Variants in NAV2 observed in about 807,000 individuals in gnomAD.
NAV2 encodes neuron navigator 2.
A neutral mutation model predicts 223.2 loss-of-function variants in NAV2; 54 were observed. The observed-to-expected ratio is 0.24, with a 90% CI of 0.19 to 0.30. The LOEUF is 0.30. NAV2 is among the 10% of genes least tolerant of loss of function. The pLI, the probability that NAV2 is intolerant of heterozygous loss-of-function variation, is 1.00. For missense variants in NAV2, 2,806 were observed against 3,147.5 expected (o/e 0.89, Z 2.60); for synonymous variants, 1,279 against 1,239.3 (o/e 1.03, Z -0.67).
rs544487953 is a variant in NAV2 at position 19,368,855 on chromosome 11, C to T, written c.75+17828C>T. ...TGGACAAGCTACCTCTTTCTCAGGT[C>T]TTCAGTGGTGCCATCTGAAAAGGAG... On this transcript the variant is annotated intron_variant, in intron 1 of 37. Transcript: ENST00000360655. Among the ~76,000 whole-genome samples, 5 of 152,328 alleles carry T rather than the reference C, an allele frequency of 3.3e-5. No homozygotes were observed. The South Asian group carries it at 1.0e-3, about 32-fold the overall frequency.
intron 11 of NAV2, among the ~76,000 whole-genome samples, chr11:20,026,423 G>C (rs1326662529): frequency 6.6e-6 from 1 of 151,970 alleles, no homozygotes. Context: ...CCATTCTCCT[G>C]TCTCAGCCTC....
chr11:19,990,795 C>T (rs923484863), intron 11 of NAV2, among the ~76,000 whole-genome samples: 1 of 152,198 alleles, frequency 6.6e-6, no homozygotes, highest in African/African-American at 2.4e-5. Flanking sequence ...ACACTAGCCT[C>T]ATTTCCAGTA....
chr11:19,388,988 T>C (rs1849146472), intron 1 of NAV2, among the ~76,000 whole-genome samples: 2 of 152,254 alleles, frequency 1.3e-5, no homozygotes, highest in African/African-American at 4.8e-5. Flanking sequence ...CTACTCAGTC[T>C]TCAATAGTTC....
At chr11:19,406,520 G>C (rs138675648) in intron 1 of NAV2, among the ~76,000 whole-genome samples, 22 of 152,254 alleles carry the variant, frequency 1.4e-4, no homozygotes, top group African/African-American at 4.8e-4. Flanking sequence ...CTCTCCTCCA[G>C]GCTGGGCTTC....
chr11:19,913,218 T>C (rs1052079064), intron 6 of NAV2, among the ~76,000 whole-genome samples: 1 of 152,236 alleles, frequency 6.6e-6, no homozygotes, highest in African/African-American at 2.4e-5. Flanking sequence ...GCAAAAGAGA[T>C]GCATTGCCTG....
intron 3 of NAV2, among the ~76,000 whole-genome samples, chr11:19,860,555 C>A (rs1364493209): frequency 6.6e-6 from 1 of 150,948 alleles, no homozygotes; most frequent in Non-Finnish European, 1.5e-5. Context: ...GACTGGGCAG[C>A]CAGGCAGAGG....
At chr11:19,470,852 T>C (rs16936807) in intron 1 of NAV2, among the ~76,000 whole-genome samples, 26,797 of 151,992 alleles carry the variant, frequency 0.18, 2,432 homozygotes, top group Admixed American at 0.2. Flanking sequence ...CTGAGGGACA[T>C]AGGGGATAAC....
chr11:20,071,462 T>C (rs2059400183), intron 22 of NAV2, among the ~76,000 whole-genome samples: 1 of 152,192 alleles, frequency 6.6e-6, no homozygotes, highest in Admixed American at 6.5e-5. Context: ...TTATAATCCT[T>C]TGGGGGTATA....
intron 1 of NAV2, among the ~76,000 whole-genome samples, chr11:19,665,182 C>T (rs2048377388): frequency 6.6e-6 from 1 of 152,210 alleles, no homozygotes; most frequent in African/African-American, 2.4e-5. Flanking sequence ...GAAACTGCCA[C>T]TCAAATCCAA....
In NAV2 at chr11:20,066,869, A is replaced by G. The variant is rs116577225; in HGVS notation, c.4885-1317A>G. Among the ~76,000 whole-genome samples the G allele has an allele frequency of 5.9e-3, 893 of 152,304 alleles. 7 individuals carry two copies. The highest frequency in any genetic ancestry group is 0.021 in the African/African-American group (861 of 41,574). On this transcript the variant is annotated intron_variant, in intron 20 of 37. Transcript: ENST00000349880. Reference sequence around the variant, plus strand: ...CCAAGTCACTCTTCCCTCCCTGGGTACAGCGATGGGTAGAGAGAAGGTCAG... The same window carrying G: ...CCAAGTCACTCTTCCCTCCCTGGGTGCAGCGATGGGTAGAGAGAAGGTCAG...
In NAV2 at chr11:19,486,591, T is replaced by C. The variant is rs57607378; in HGVS notation, c.75+135564T>C. ...TCGGCACTTCTCTCTCCTGCCACCA[T>C]GTAAAGAAGTACGTGTTTGCTTCTC... is the stretch of plus-strand genomic sequence containing the variant. On this transcript the variant is annotated intron_variant, in intron 1 of 37. Transcript: ENST00000360655. 7.1e-3 allele frequency among the ~76,000 whole-genome samples: 1,082 copies of C among 152,336 alleles called. 21 individuals are homozygous for C. The East Asian group carries it at 0.074, about 10-fold the overall frequency.
chr11:19,882,617 C>T (rs1029117271), intron 5 of NAV2, among the ~76,000 whole-genome samples: 8 of 152,152 alleles, frequency 5.3e-5, no homozygotes, highest in Non-Finnish European at 7.3e-5. Context: ...CCATGGTAGG[C>T]GTTTGTTTTC....
intron 1 of NAV2, among the ~76,000 whole-genome samples, chr11:19,800,501 C>G (rs888787399): frequency 1.3e-5 from 2 of 152,112 alleles, no homozygotes; most frequent in Non-Finnish European, 2.9e-5. Context: ...AAGTAGACAC[C>G]CTAGGACCTG....
rs1234299658 is a variant in NAV2, at chr11:19,888,999, T to C, written c.771-3435T>C. On this transcript the variant is annotated intron_variant, in intron 5 of 37. Coordinates refer to ENST00000349880, the MANE Select transcript of NAV2 (RefSeq NM_145117.5). ...CAAGCCCCTTGAGATCCGGGTAAGA[T>C]TGAGCATTCTAGCTCTGCCTCTTTC... Among the ~76,000 whole-genome samples, 5 of 152,228 alleles carry C rather than the reference T, an allele frequency of 3.3e-5. No homozygotes were observed. The South Asian group carries it at 6.2e-4, about 19-fold the overall frequency.
intron 11 of NAV2, among the ~76,000 whole-genome samples, chr11:20,012,994 A>G (rs1425093914): frequency 2.0e-5 from 3 of 152,332 alleles, no homozygotes; most frequent in Admixed American, 6.5e-5. Context: ...GGATGAAATA[A>G]GACCAGAAAA....
In NAV2 at chr11:20,103,295, A is replaced by C. The variant is rs1459155714; in HGVS notation, c.6458A>C (p.Asn2153Thr). Residue 2153 changes from asparagine (N) to threonine (T), a missense_variant, in exon 33 of 38, where the codon AAC becomes ACC. Transcript: ENST00000349880. The part of the protein sequence containing the change: ...QYLSNLADQC[N>T]SENNAVDMPL... Reference sequence around the variant, plus strand: ...CTGTCCAACCTTGCTGACCAGTGCAACAGTGAGAACAATGCTGTGGACATG... The same window carrying C: ...CTGTCCAACCTTGCTGACCAGTGCACCAGTGAGAACAATGCTGTGGACATG... 2 of 1,614,214 alleles carry C rather than the reference A, an allele frequency of 1.2e-6. No individual in the cohort carries two copies. The highest frequency in any genetic ancestry group is 1.7e-5 in the Admixed American group (1 of 60,020).
At chr11:19,863,794 A>T (rs191499394) in intron 3 of NAV2, among the ~76,000 whole-genome samples, 150 of 152,304 alleles carry the variant, frequency 9.8e-4, no homozygotes, top group Non-Finnish European at 1.6e-3. Flanking sequence ...CCTGCGTTCG[A>T]CTGTAGGTTC....
chr11:19,709,546 C>CAAA (rs3043492), upstream of NAV2, among the ~76,000 whole-genome samples: 4 of 63,142 alleles, frequency 6.3e-5, no homozygotes, highest in African/African-American at 1.3e-4. Context: ...GACTCCGTCT[C>CAAA]AAAAAAAAAA....
At chr11:19,953,856 C>CAT in intron 10 of NAV2, among the ~76,000 whole-genome samples, 1 of 127,130 alleles carries the variant, frequency 7.9e-6, no homozygotes, top group South Asian at 2.4e-4. Context: ...TGCACGCGCG[C>CAT]GCGTGTGTGT....
Sources: gnomAD v4.1 joint callset for allele counts (sites outside exome capture counted in the v4.1 genomes callset) on GRCh38, gnomAD v4.1.1 for gene constraint, MANE v1.5 for transcripts, NCBI Gene and HGNC (gene_info 2026-07-23, HGNC 2026-07-21) for gene names.